Variants in CYP7B1 observed in about 807,000 individuals in gnomAD.
CYP7B1 encodes the protein cytochrome P450 family 7 subfamily B member 1, also known as cytochrome P450 7B1.
Under a neutral mutation model 42.7 loss-of-function variants are expected in CYP7B1, and 29 were observed. The ratio of observed to expected loss-of-function variants is 0.68; its 90% CI spans 0.51 to 0.93. The LOEUF is 0.93. CYP7B1 is among the 40% of genes least tolerant of loss of function. The probability of loss-of-function intolerance (pLI) is 0.00; values close to 1 mark genes in which losing one functional copy is unlikely to be tolerated. For missense variants in CYP7B1, 655 were observed against 600.5 expected (o/e 1.09, Z -0.95); for synonymous variants, 235 against 218.2 (o/e 1.08, Z -0.68).
At chr8:64,678,071 C>G (rs1055927522) in intron 1 of CYP7B1, among the ~76,000 whole-genome samples, 2 of 152,122 alleles carry the variant, frequency 1.3e-5, no homozygotes, top group African/African-American at 4.8e-5. Context: ...TCTGCCTAAA[C>G]GGGCTGTCCT....
At chr8:64,781,833 A>T (rs1247483375) in intron 1 of CYP7B1, among the ~76,000 whole-genome samples, 1 of 152,190 alleles carries the variant, frequency 6.6e-6, no homozygotes, top group Admixed American at 6.5e-5. Flanking sequence ...TGCCTATCAC[A>T]GTCTAATGGA....
At chr8:64,770,149 A>T (rs1238461359) in intron 1 of CYP7B1, among the ~76,000 whole-genome samples, 1 of 152,174 alleles carries the variant, frequency 6.6e-6, no homozygotes, top group Non-Finnish European at 1.5e-5. Context: ...TCCACCTGGC[A>T]CCATGCACTA....
chr8:64,628,382 T>A lies in CYP7B1; in HGVS notation c.123-3843A>T, dbSNP rs1481910608. On this transcript the variant is annotated intron_variant, in intron 1 of 5. Coordinates refer to ENST00000310193, the MANE Select transcript of CYP7B1 (RefSeq NM_004820.5). The stretch of plus-strand genomic sequence containing the variant: ...AAATTTTGGAGACGGGGAGTGGTGG[T>A]TCATGCCTGTAATCCCAACACTTTG... 3.9e-5 allele frequency among the ~76,000 whole-genome samples: 6 copies of A among 152,128 alleles called. No individual in the cohort carries two copies. In the East Asian group the frequency reaches 1.2e-3, roughly 29 times the overall value.
At chr8:64,761,388 T>C (rs370650093) in intron 1 of CYP7B1, among the ~76,000 whole-genome samples, 2 of 152,108 alleles carry the variant, frequency 1.3e-5, no homozygotes, top group South Asian at 2.1e-4. Context: ...TTAATTAGCT[T>C]GGTTGTGAGA....
intron 1 of CYP7B1, among the ~76,000 whole-genome samples, chr8:64,782,309 G>A (rs1182437875): frequency 6.6e-6 from 1 of 152,126 alleles, no homozygotes; most frequent in Non-Finnish European, 1.5e-5. Context: ...GGCCTTGGGA[G>A]GTGTTTAAGT....
chr8:64,667,895 C>T lies in CYP7B1; in HGVS notation c.123-43356G>A, dbSNP rs1052761566. ...TAGTAGGCGTTCTTGAGTGTTTTTG[C>T]AAATTCACTTCATTTTATTAAACAG... On this transcript the variant is annotated intron_variant, in intron 1 of 5. Transcript: ENST00000310193. Among the ~76,000 whole-genome samples, 14 of 152,220 alleles carry T rather than the reference C, an allele frequency of 9.2e-5. No individual in the cohort carries two copies. In the South Asian group the frequency reaches 1.9e-3, roughly 20 times the overall value.
At chr8:64,679,787 A>G (rs934976935) in intron 1 of CYP7B1, among the ~76,000 whole-genome samples, 9 of 152,192 alleles carry the variant, frequency 5.9e-5, no homozygotes, top group Non-Finnish European at 1.0e-4. Flanking sequence ...GTGTTTGAAG[A>G]TAAGTATCTA....
chr8:64,630,275 G>A (rs1805670419), intron 1 of CYP7B1, among the ~76,000 whole-genome samples: 1 of 152,164 alleles, frequency 6.6e-6, no homozygotes, highest in Non-Finnish European at 1.5e-5. Flanking sequence ...CCAGAAATCA[G>A]GGCTCAAGAG....
chr8:64,706,264 T>C (rs1232597416), intron 1 of CYP7B1, among the ~76,000 whole-genome samples: 1 of 151,984 alleles, frequency 6.6e-6, no homozygotes, highest in African/African-American at 2.4e-5. Flanking sequence ...TTAGAATACA[T>C]GGTAAAACTG....
intron 1 of CYP7B1, among the ~76,000 whole-genome samples, chr8:64,686,010 A>G (rs1806630610): frequency 1.5e-5 from 1 of 66,528 alleles, no homozygotes; most frequent in Non-Finnish European, 2.9e-5. Flanking sequence ...GGAAGTGAGG[A>G]GCCCCTCAGC....
chr8:64,663,776 T>G (rs1397293691), intron 1 of CYP7B1, among the ~76,000 whole-genome samples: 1 of 152,150 alleles, frequency 6.6e-6, no homozygotes, highest in Non-Finnish European at 1.5e-5. Context: ...CTCTTCATTC[T>G]TTCTCTAAGG....
intron 1 of CYP7B1, among the ~76,000 whole-genome samples, chr8:64,634,596 AAAAG>A (rs1323707742): frequency 1.7e-4 from 26 of 151,954 alleles, no homozygotes; most frequent in Non-Finnish European, 2.1e-4. Context: ...AAAAAAAAAA[AAAAG>A]AAAGAAATGC....
chr8:64,687,193 T>C (rs1806666828), intron 1 of CYP7B1, among the ~76,000 whole-genome samples: 1 of 152,072 alleles, frequency 6.6e-6, no homozygotes, highest in Middle Eastern at 3.4e-3. Context: ...AAAATGTACA[T>C]AAACTGATGA....
At position 64,798,692 on chromosome 8, in the gene CYP7B1, C is replaced by CCAGGGCCGGAGAGGCTGG; in HGVS notation, c.-123_-106dup. The CCAGGGCCGGAGAGGCTGG allele has an allele frequency of 7.8e-7, 1 of 1,289,352 alleles. No individual in the cohort carries two copies. Among genetic ancestry groups the CCAGGGCCGGAGAGGCTGG allele is most frequent in the Non-Finnish European group, 1.0e-6 (1 of 992,780 alleles). The allele number at this position is 1,289,352 out of a possible 1,614,324, so 79.9% of individuals were successfully genotyped here. On this transcript the variant is annotated 5_prime_UTR_variant, in exon 1 of 6. Transcript: ENST00000310193. The stretch of plus-strand genomic sequence containing the variant: ...GCTTCTCTCGGCGGCGCCCCCTAGT[C>CCAGGGCCGGAGAGGCTGG]CAGGGCCGGAGAGGCTGGCCTGCCC...
chr8:64,792,476 G>A (rs1202643751), intron 1 of CYP7B1, among the ~76,000 whole-genome samples: 1 of 152,152 alleles, frequency 6.6e-6, no homozygotes, highest in African/African-American at 2.4e-5. Flanking sequence ...GGAAGAATCA[G>A]AAACCCAGTT....
At chr8:64,687,125 T>TA (rs1352603416) in intron 1 of CYP7B1, among the ~76,000 whole-genome samples, 1 of 139,996 alleles carries the variant, frequency 7.1e-6, no homozygotes, top group Non-Finnish European at 1.6e-5. Context: ...GAATTATCAA[T>TA]AAAAAAATAA....
intron 1 of CYP7B1, among the ~76,000 whole-genome samples, chr8:64,716,959 CT>C (rs1242020009): frequency 6.6e-6 from 1 of 152,172 alleles, no homozygotes; most frequent in African/African-American, 2.4e-5. Context: ...TTTTCTATGA[CT>C]TTTGCCAGTT....
intron 4 of CYP7B1, among the ~76,000 whole-genome samples, chr8:64,606,536 T>C (rs1805285123): frequency 6.6e-6 from 1 of 152,178 alleles, no homozygotes; most frequent in Admixed American, 6.5e-5. Context: ...GGCAGGCATA[T>C]AACAGTCCGA....
In CYP7B1 at chr8:64,593,757, A is replaced by C. The variant is rs1805074533; in HGVS notation, c.*2885T>G. ...AACTACAGAATTAGATCCACAAAAC[A>C]CCAATGATTTGGAAATATCAGATAC... On this transcript the variant is annotated 3_prime_UTR_variant, in exon 6 of 6. Coordinates refer to ENST00000310193, the MANE Select transcript of CYP7B1 (RefSeq NM_004820.5). 6.6e-6 allele frequency among the ~76,000 whole-genome samples: 1 copy of C among 152,192 alleles called. No homozygotes were observed. The highest frequency in any genetic ancestry group is 6.5e-5 in the Admixed American group (1 of 15,284).
Sources: gnomAD v4.1 joint callset for allele counts (sites outside exome capture counted in the v4.1 genomes callset) on GRCh38, gnomAD v4.1.1 for gene constraint, MANE v1.5 for transcripts, NCBI Gene and HGNC (gene_info 2026-07-23, HGNC 2026-07-21) for gene names.